The following RAPGEF2 variants were observed in gnomAD, a reference collection of about 807,000 sequenced individuals.
RAPGEF2 encodes the protein PDZ domain containing guanine nucleotide exchange factor (GEF) 1.
A neutral mutation model predicts 186.7 loss-of-function variants in RAPGEF2; 54 were observed. The ratio of observed to expected loss-of-function variants is 0.29; its 90% CI spans 0.23 to 0.36. The LOEUF (loss-of-function observed/expected upper bound fraction) is 0.36, where lower values mean the gene tolerates loss of function less well. RAPGEF2 is among the 10% of genes least tolerant of loss of function. The pLI, the probability that RAPGEF2 is intolerant of heterozygous loss-of-function variation, is 1.00. For missense variants in RAPGEF2, 1,532 were observed against 2,045.0 expected, an observed-to-expected ratio of 0.75 and a Z score of 4.84; for synonymous variants, 712 against 705.9, an observed-to-expected ratio of 1.01 and a Z score of -0.14.
intron 7 of RAPGEF2, among the ~76,000 whole-genome samples, chr4:159,294,687 C>CTTCCTTCCTTCCTTCCTTCT: frequency 7.0e-6 from 1 of 142,392 alleles, no homozygotes; most frequent in Non-Finnish European, 1.6e-5. Flanking sequence ...TCCTTCCTTC[C>CTTCCTTCCTTCCTTCCTTCT]TTCTTTCCGT....
chr4:159,163,910 T>G (rs948037969), intron 1 of RAPGEF2, among the ~76,000 whole-genome samples: 8 of 152,192 alleles, frequency 5.3e-5, no homozygotes, highest in African/African-American at 1.9e-4. Context: ...CAAACTTAGG[T>G]TGTATCTCAC....
chr4:159,326,835 T>C (rs1030940864), intron 11 of RAPGEF2: 1 of 152,362 alleles, frequency 6.6e-6, no homozygotes, highest in East Asian at 1.9e-4. Flanking sequence ...CTTGTTTTCT[T>C]CTCCACTGCC....
rs1740612739 is a variant in RAPGEF2 at position 159,128,364 on chromosome 4, C to T, written c.69+24133C>T. Among the ~76,000 whole-genome samples, 3 of 152,064 alleles carry T rather than the reference C, an allele frequency of 2.0e-5. 1 individual carries two copies. In the South Asian group the frequency reaches 6.2e-4, roughly 31 times the overall value. ...CTGTAAAATGGAACACAATGCTTTC[C>T]ATACCTATTTTCAGGGTTACGTAAG... On this transcript the variant is annotated intron_variant, in intron 1 of 29. Coordinates refer to ENST00000691494, the MANE Select transcript of RAPGEF2 (RefSeq NM_001394067.2).
chr4:159,183,770 C>CTAGGG (rs1554006242), intron 1 of RAPGEF2, among the ~76,000 whole-genome samples: 1 of 152,106 alleles, frequency 6.6e-6, no homozygotes, highest in Non-Finnish European at 1.5e-5. Context: ...ACTTTAAGTT[C>CTAGGG]TAGGGTACAT....
intron 9 of RAPGEF2, among the ~76,000 whole-genome samples, chr4:159,317,138 C>T (rs1387673189): frequency 2.6e-5 from 4 of 151,976 alleles, no homozygotes; most frequent in Admixed American, 6.6e-5. Context: ...GAAAAACTTT[C>T]ACCATTTCAG....
intron 9 of RAPGEF2, among the ~76,000 whole-genome samples, chr4:159,321,363 C>G (rs1267605860): frequency 6.6e-6 from 1 of 152,094 alleles, no homozygotes; most frequent in Non-Finnish European, 1.5e-5. Context: ...CGCACCACCA[C>G]AGATGGCTAA....
In RAPGEF2 at chr4:159,183,745, A is replaced by T. The variant is rs180819416; in HGVS notation, c.70-2897A>T. Among the ~76,000 whole-genome samples the T allele has an allele frequency of 1.7e-4, 26 of 152,218 alleles. No individual in the cohort carries two copies. In the East Asian group the frequency reaches 5.0e-3, roughly 29 times the overall value. Reference sequence around the variant, plus strand: ...TAAACCAATTAAAATATGAACAAAGAATTTTTTTTATTATACTTTAAGTTC... The same window carrying T: ...TAAACCAATTAAAATATGAACAAAGTATTTTTTTTATTATACTTTAAGTTC... On this transcript the variant is annotated intron_variant, in intron 1 of 29. Transcript: ENST00000691494.
intron 7 of RAPGEF2, among the ~76,000 whole-genome samples, chr4:159,276,595 G>A (rs1299642072): frequency 6.6e-6 from 1 of 152,094 alleles, no homozygotes; most frequent in African/African-American, 2.4e-5. Context: ...ATTTGAAATA[G>A]CTTAGCTAAA....
intron 11 of RAPGEF2, among the ~76,000 whole-genome samples, chr4:159,325,261 A>G (rs959744898): frequency 1.3e-5 from 2 of 152,158 alleles, no homozygotes; most frequent in Non-Finnish European, 2.9e-5. Context: ...TTACTTCCCA[A>G]TTATTTTGTA....
rs75759267 is a variant in RAPGEF2, at chr4:159,131,507, T to A, written c.69+27276T>A. Among the ~76,000 whole-genome samples the A allele has an allele frequency of 1.8e-3, 263 of 148,434 alleles. 2 individuals carry two copies. Among genetic ancestry groups the A allele is most frequent in the African/African-American group, 5.9e-3 (236 of 39,974 alleles). On this transcript the variant is annotated intron_variant, in intron 1 of 29. Coordinates refer to ENST00000691494, the MANE Select transcript of RAPGEF2 (RefSeq NM_001394067.2). ...AATGTATTATCTTGATATCTTTGTCTGATTAATTGCTATTTTTTTTTTTTT... is the reference window on the plus strand; with the variant it reads ...AATGTATTATCTTGATATCTTTGTCAGATTAATTGCTATTTTTTTTTTTTT...
chr4:159,358,034 A>G (rs1732296563), intron 29 of RAPGEF2, 80 bp from the exon 30 acceptor site: 3 of 1,350,806 alleles, frequency 2.2e-6, no homozygotes, highest in Non-Finnish European at 3.1e-6. Flanking sequence ...TATTTAGCAC[A>G]TCAGTGAATA....
chr4:159,333,866 A>G (rs969642051), intron 17 of RAPGEF2, among the ~76,000 whole-genome samples: 14 of 152,260 alleles, frequency 9.2e-5, no homozygotes, highest in African/African-American at 2.7e-4. Context: ...ATGCAGGACT[A>G]TATCAAACAC....
intron 26 of RAPGEF2, chr4:159,351,168 G>T (rs1731118876): frequency 6.5e-7 from 1 of 1,534,862 alleles, no homozygotes; most frequent in African/African-American, 1.4e-5. Context: ...ATGCACCACG[G>T]ACCTATGGGA....
chr4:159,254,027 A>G (rs1351288145), intron 7 of RAPGEF2, among the ~76,000 whole-genome samples: 1 of 152,246 alleles, frequency 6.6e-6, no homozygotes, highest in Non-Finnish European at 1.5e-5. Context: ...CCTTGAGACA[A>G]CCATTGTACA....
chr4:159,345,439 C>T (rs1383706894), intron 24 of RAPGEF2, 110 bp downstream of exon 24: 3 of 920,512 alleles, frequency 3.3e-6, no homozygotes, highest in Admixed American at 2.3e-5. Flanking sequence ...GGGGAGCTAG[C>T]AATCCTGAGA....
intron 7 of RAPGEF2, among the ~76,000 whole-genome samples, chr4:159,249,165 T>C (rs551812620): frequency 6.6e-6 from 1 of 152,316 alleles, no homozygotes. Context: ...GGCTAAAATT[T>C]AGCTTTTAAT....
intron 4 of RAPGEF2, among the ~76,000 whole-genome samples, chr4:159,236,540 A>G (rs1197761944): frequency 6.6e-6 from 1 of 152,234 alleles, no homozygotes; most frequent in Non-Finnish European, 1.5e-5. Flanking sequence ...TTTTGTATCA[A>G]GTATTATATG....
At position 159,231,133 on chromosome 4, in the gene RAPGEF2, A is replaced by G. The variant is rs192364320; in HGVS notation, c.282-7676A>G. Reference sequence around the variant, plus strand: ...TTAGATGTTTAGATACACATATACCATTGTGTTATAATTGCCTACAATATT... The same window carrying G: ...TTAGATGTTTAGATACACATATACCGTTGTGTTATAATTGCCTACAATATT... On this transcript the variant is annotated intron_variant, in intron 4 of 29. Coordinates refer to ENST00000691494, the MANE Select transcript of RAPGEF2 (RefSeq NM_001394067.2). 9.7e-4 allele frequency among the ~76,000 whole-genome samples: 147 copies of G among 152,252 alleles called. 1 individual carries two copies. The highest frequency in any genetic ancestry group is 1.0e-3 in the Non-Finnish European group (69 of 67,988).
intron 1 of RAPGEF2, among the ~76,000 whole-genome samples, chr4:159,125,048 A>G (rs1200176713): frequency 6.7e-5 from 10 of 148,572 alleles, no homozygotes; most frequent in Admixed American, 6.0e-4. Flanking sequence ...TTTTTTTTTT[A>G]GAAATAAAAG....
Sources: gnomAD v4.1 joint callset for allele counts (sites outside exome capture counted in the v4.1 genomes callset) on GRCh38, gnomAD v4.1.1 for gene constraint, MANE v1.5 for transcripts, NCBI Gene and HGNC (gene_info 2026-07-23, HGNC 2026-07-21) for gene names.